Variants in MUC12 observed in about 807,000 individuals in gnomAD.
MUC12 encodes mucin-12.
MUC12 carries 172 observed loss-of-function variants against 230.8 expected under a neutral mutation model. The observed-to-expected ratio is 0.75, with a 90% CI of 0.66 to 0.85. The LOEUF (loss-of-function observed/expected upper bound fraction) is 0.85. Ranked by LOEUF, MUC12 falls within the 40% of genes least tolerant of loss-of-function variation. MUC12 has a pLI of 0.00. For missense variants in MUC12, 3,506 were observed against 5,920.6 expected, an observed-to-expected ratio of 0.59 and a Z score of 13.38; for synonymous variants, 1,259 against 2,401.9, an observed-to-expected ratio of 0.52 and a Z score of 13.91.
In MUC12 at chr7:100,992,628, T is replaced by A. The variant is rs1192062319; in HGVS notation, c.2065T>A (p.Tyr689Asn). ...TSGLVEESTTYHSSPGSTQTM... is the reference protein window; with the variant it reads ...TSGLVEESTTNHSSPGSTQTM... ...AGGCCTCGTTGAAGAATCTACGACC[T>A]ACCACAGCAGCCCGGGCTCAACTCA... is the stretch of plus-strand genomic sequence containing the variant. Residue 689 changes from tyrosine to asparagine, a missense_variant, in exon 2 of 12, where the codon TAC (tyrosine) becomes AAC (asparagine). Coordinates refer to ENST00000536621, the MANE Select transcript of MUC12 (RefSeq NM_001164462.2). 6.5e-7 allele frequency: 1 copy of A among 1,537,430 alleles called. No homozygotes were observed. The highest frequency in any genetic ancestry group is 8.7e-7 in the Non-Finnish European group (1 of 1,146,982).
intron 1 of MUC12, among the ~76,000 whole-genome samples, chr7:100,980,959 T>A (rs1051622102): frequency 6.6e-6 from 1 of 152,154 alleles, no homozygotes; most frequent in Admixed American, 6.5e-5. Context: ...TGGTCCCTGA[T>A]GCATATTTTC....
chr7:101,017,011 C>G (rs1286445941), intron 10 of MUC12: 1 of 152,156 alleles, frequency 6.6e-6, no homozygotes, highest in Non-Finnish European at 1.5e-5. Context: ...AACCCCCCCC[C>G]AGGAGCCCCC....
chr7:101,012,708 CG>C, intron 6 of MUC12, 110 bp from the exon 7 acceptor site: 1 of 1,238,986 alleles, frequency 8.1e-7, no homozygotes, highest in Non-Finnish European at 1.1e-6. Flanking sequence ...AAGACTCCCA[CG>C]GGCATTGGCC....
intron 1 of MUC12, among the ~76,000 whole-genome samples, chr7:100,987,399 T>A (rs531070523): frequency 6.6e-6 from 1 of 152,006 alleles, no homozygotes; most frequent in East Asian, 1.9e-4. Flanking sequence ...TTGTAGCCCT[T>A]TGAGTGGGCC....
intron 1 of MUC12, among the ~76,000 whole-genome samples, chr7:100,974,323 G>A (rs998617010): frequency 2.6e-5 from 4 of 151,788 alleles, no homozygotes; most frequent in Non-Finnish European, 5.9e-5. Flanking sequence ...TGAGATGTAT[G>A]TTAGGCCATT....
rs555589369 is a variant in MUC12, at chr7:100,990,748, C to G, written c.185C>G (p.Ser62Ter). ...YGVSVTFITG[S>*]TATKHFLDSS... ...GTGTCAGTCACATTTATCACGGGCT[C>G]AACTGCAACAAAACACTTCCTTGAC... The change falls in exon 2 of 12, where the codon TCA becomes TGA. Residue 62 changes from serine (S) to a stop codon, truncating the protein, a stop_gained. Coordinates refer to ENST00000536621, the MANE Select transcript of MUC12 (RefSeq NM_001164462.2). LOFTEE classifies it high-confidence loss of function. The G allele has an allele frequency of 1.3e-6, 2 of 1,537,872 alleles. No individual in the cohort carries two copies. The highest frequency in any genetic ancestry group is 2.4e-5 in the East Asian group (1 of 40,928).
chr7:101,012,363 C>G lies in MUC12; in HGVS notation c.15319C>G (p.Leu5107Val). 6.5e-7 allele frequency: 1 copy of G among 1,537,562 alleles called. No homozygotes were observed. The part of the protein sequence containing the change: ...EADYTLEYEE[L>V]FENLAEIVKA... Reference sequence around the variant, plus strand: ...AGACTACACTTTAGAGTATGAGGAACTGTTTGAAAACCTGGCAGAGATTGT... The same window carrying G: ...AGACTACACTTTAGAGTATGAGGAAGTGTTTGAAAACCTGGCAGAGATTGT... Residue 5107 changes from leucine to valine, a missense_variant, in exon 6 of 12, where the codon CTG becomes GTG. Leu to Val is a conservative substitution (Grantham distance 32). Coordinates refer to ENST00000536621, the MANE Select transcript of MUC12 (RefSeq NM_001164462.2).
At chr7:101,009,488 G>T (rs1793809496) in intron 5 of MUC12, among the ~76,000 whole-genome samples, 4 of 152,198 alleles carry the variant, frequency 2.6e-5, no homozygotes, top group African/African-American at 9.6e-5. Flanking sequence ...GGTGCCCTGG[G>T]AGAGGTCCCA....
chr7:100,977,732 T>C (rs913596691), intron 1 of MUC12, among the ~76,000 whole-genome samples: 1 of 151,930 alleles, frequency 6.6e-6, no homozygotes, highest in Non-Finnish European at 1.5e-5. Flanking sequence ...TGGCTAATTT[T>C]TGTATTTTTT....
At position 101,005,304 on chromosome 7, in the gene MUC12, C is replaced by T; in HGVS notation, c.14741C>T (p.Ala4914Val). The T allele has an allele frequency of 6.5e-7, 1 of 1,537,926 alleles. No homozygotes were observed. Among genetic ancestry groups the T allele is most frequent in the Non-Finnish European group, 8.7e-7 (1 of 1,147,052 alleles). Residue 4914 changes from alanine to valine, a missense_variant, in exon 2 of 12, where the codon GCA (alanine) becomes GTA (valine). Transcript: ENST00000536621. ...ESTAFHSSSD[A>V]TGTTPLPARS... Reference sequence around the variant, plus strand: ...ACAGCCTTCCACAGCAGCTCAGACGCAACTGGAACAACACCCTTACCTGCC... The same window carrying T: ...ACAGCCTTCCACAGCAGCTCAGACGTAACTGGAACAACACCCTTACCTGCC...
intron 4 of MUC12, 31 bp downstream of exon 4, chr7:101,008,792 G>A: frequency 6.6e-7 from 1 of 1,526,524 alleles, no homozygotes; most frequent in African/African-American, 1.4e-5. Flanking sequence ...GACACCCCAG[G>A]GTGATGTCCC....
intron 10 of MUC12, chr7:101,017,029 G>A (rs1215418316): frequency 6.6e-6 from 1 of 152,228 alleles, no homozygotes; most frequent in Non-Finnish European, 1.5e-5. Context: ...CCCGTAGAAG[G>A]ACAGGTAGGG....
At chr7:100,984,815 C>T (rs1267822858) in intron 1 of MUC12, among the ~76,000 whole-genome samples, 1 of 152,174 alleles carries the variant, frequency 6.6e-6, no homozygotes, top group Admixed American at 6.6e-5. Context: ...ATGCCTAGCA[C>T]TGAGGAGCTA....
chr7:100,971,767 C>T (rs1792904177), intron 1 of MUC12, among the ~76,000 whole-genome samples: 1 of 152,310 alleles, frequency 6.6e-6, no homozygotes, highest in Admixed American at 6.5e-5. Context: ...TCCCTGCTCC[C>T]AAGGCCTGGC....
rs535373112 is a variant in MUC12 at position 100,991,923 on chromosome 7, G to A, written c.1360G>A (p.Ala454Thr). The change falls in exon 2 of 12, where the codon GCC becomes ACC. Residue 454 changes from alanine (A) to threonine (T), a missense_variant. By Grantham distance (58) the Ala-to-Thr change is moderately conservative. Coordinates refer to ENST00000536621, the MANE Select transcript of MUC12 (RefSeq NM_001164462.2). ...PDAMATTVLP[A>T]GSTPSVLVGD... ...TGCAATGGCAACAACAGTCTTACCT[G>A]CCGGCTCTACACCCTCAGTTCTTGT... is the stretch of plus-strand genomic sequence containing the variant. The A allele has an allele frequency of 3.2e-5, 49 of 1,537,390 alleles. No homozygotes were observed. In the Middle Eastern group the frequency reaches 1.0e-3, roughly 31 times the overall value.
In MUC12 at chr7:101,006,509, T is replaced by G; in HGVS notation, c.14995T>G (p.Cys4999Gly). The G allele has an allele frequency of 3.9e-6, 6 of 1,537,254 alleles. No individual in the cohort carries two copies. Among genetic ancestry groups the G allele is most frequent in the Non-Finnish European group, 5.2e-6 (6 of 1,146,910 alleles). ...AGGACAAATTTGGAATGGAAAACAATGCGTCTGTCCCCAAGGCTACGTTGG... is the reference window on the plus strand; with the variant it reads ...AGGACAAATTTGGAATGGAAAACAAGGCGTCTGTCCCCAAGGCTACGTTGG... Reference protein sequence around the residue: ...QEGQIWNGKQCVCPQGYVGYQ... With the variant: ...QEGQIWNGKQGVCPQGYVGYQ... The change falls in exon 3 of 12, where the codon TGC (cysteine) becomes GGC (glycine). Residue 4999 changes from cysteine to glycine, a missense_variant. Coordinates refer to ENST00000536621, the MANE Select transcript of MUC12 (RefSeq NM_001164462.2).
chr7:101,004,938 A>C lies in MUC12; in HGVS notation c.14375A>C (p.Gln4792Pro), dbSNP rs1375617959. 28 of 1,537,778 alleles carry C rather than the reference A, an allele frequency of 1.8e-5. No homozygotes were observed. The highest frequency in any genetic ancestry group is 4.8e-5 in the South Asian group (4 of 84,070). ...AGCACCACCACCTCAGGCCTCAGTC[A>C]GGAATCAACAACTTTCCACAGTAAG... ...PASTTTSGLS[Q>P]ESTTFHSKPG... Residue 4792 changes from glutamine to proline, a missense_variant, in exon 2 of 12, where the codon CAG becomes CCG. Coordinates refer to ENST00000536621, the MANE Select transcript of MUC12 (RefSeq NM_001164462.2).
Position 100,990,847 on chromosome 7 carries a change from T to C in MUC12, c.284T>C (p.Leu95Pro), listed in dbSNP as rs1298719584. 2.0e-6 allele frequency: 3 copies of C among 1,537,318 alleles called. No homozygotes were observed. The highest frequency in any genetic ancestry group is 2.4e-5 in the East Asian group (1 of 40,880). The change falls in exon 2 of 12, where the codon CTC becomes CCC. Residue 95 changes from leucine (L) to proline (P), a missense_variant. Coordinates refer to ENST00000536621, the MANE Select transcript of MUC12 (RefSeq NM_001164462.2). ...HSGPGATGTT[L>P]FPSHSATSVF... ...GGCCCAGGTGCAACTGGAACAACAC[T>C]CTTCCCTTCCCACTCTGCAACCTCA... is the stretch of plus-strand genomic sequence containing the variant.
chr7:100,986,061 G>T (rs556203020), intron 1 of MUC12, among the ~76,000 whole-genome samples: 1 of 152,212 alleles, frequency 6.6e-6, no homozygotes, highest in African/African-American at 2.4e-5. Context: ...AAAGTCCACC[G>T]ACTTCAAAAC....
Sources: gnomAD v4.1 joint callset for allele counts (sites outside exome capture counted in the v4.1 genomes callset) on GRCh38, gnomAD v4.1.1 for gene constraint, MANE v1.5 for transcripts, NCBI Gene and HGNC (gene_info 2026-07-23, HGNC 2026-07-21) for gene names.